NMT2: variants seen among roughly 807,000 people sequenced by gnomAD.
NMT2 encodes the protein N-myristoyltransferase 2, also known as glycylpeptide N-tetradecanoyltransferase 2.
NMT2 carries 35 observed loss-of-function variants against 65.4 expected under a neutral mutation model. The observed-to-expected ratio is 0.54, with a 90% CI of 0.41 to 0.71. NMT2 has a LOEUF of 0.71. NMT2 is among the 30% of genes least tolerant of loss of function. The probability of loss-of-function intolerance (pLI) is 0.00; values close to 1 mark genes in which losing one functional copy is unlikely to be tolerated. For synonymous variants in NMT2, 226 were observed against 231.8 expected (o/e 0.98, Z 0.23); for missense variants, 489 against 611.3 (o/e 0.80, Z 2.11).
chr10:15,128,338 A>G lies in NMT2; in HGVS notation c.999+12T>C. 6.9e-7 allele frequency: 1 copy of G among 1,447,312 alleles called. No individual in the cohort carries two copies. The highest frequency in any genetic ancestry group is 2.3e-5 in the East Asian group (1 of 44,062). The allele number at this position is 1,447,312 out of a possible 1,614,324, so 89.7% of individuals were successfully genotyped here. On this transcript the variant is annotated intron_variant, in intron 8 of 11. Coordinates refer to ENST00000378165, the MANE Select transcript of NMT2 (RefSeq NM_004808.3). ...TTACAGCTTCAAAAAACTGCAAATC[A>G]TTCTTACTTACATCTGGAAGTCTGT...
intron 1 of NMT2, chr10:15,154,944 G>A (rs768233786): frequency 9.3e-7 from 1 of 1,076,392 alleles, no homozygotes; most frequent in African/African-American, 1.5e-5. Flanking sequence ...CTCGGTCTTG[G>A]CAGTGCAGAT....
At chr10:15,148,043 A>G (rs1392154697) in intron 1 of NMT2, among the ~76,000 whole-genome samples, 1 of 152,196 alleles carries the variant, frequency 6.6e-6, no homozygotes, top group African/African-American at 2.4e-5. Flanking sequence ...TATCTCTAGG[A>G]TGGTATAGAA....
At chr10:15,144,948 C>A (rs1323569585) in intron 1 of NMT2, among the ~76,000 whole-genome samples, 1 of 152,160 alleles carries the variant, frequency 6.6e-6, no homozygotes, top group Non-Finnish European at 1.5e-5. Flanking sequence ...AACTTGTTCA[C>A]AAATACTCAT....
intron 1 of NMT2, among the ~76,000 whole-genome samples, chr10:15,167,063 C>G (rs985641111): frequency 1.3e-5 from 2 of 152,188 alleles, no homozygotes; most frequent in African/African-American, 4.8e-5. Flanking sequence ...CCATTTCTGG[C>G]AATAGAACTA....
intron 1 of NMT2, among the ~76,000 whole-genome samples, chr10:15,166,670 T>A (rs1378771511): frequency 6.6e-6 from 1 of 152,222 alleles, no homozygotes; most frequent in African/African-American, 2.4e-5. Context: ...TGGTATCTGC[T>A]CTTGGTGAAA....
At position 15,119,431 on chromosome 10, in the gene NMT2, T is replaced by C. The variant is rs1431155104; in HGVS notation, c.1082A>G (p.Gln361Arg). 6.2e-7 allele frequency: 1 copy of C among 1,614,078 alleles called. No individual in the cohort carries two copies. The highest frequency in any genetic ancestry group is 8.5e-7 in the Non-Finnish European group (1 of 1,179,930). ...ATCCATCACTGGAGCCAGATGAAAC[T>C]GCTTCAGGTAAGTGTTGATTAATTC... ...VRELINTYLKQFHLAPVMDEE... is the reference protein window; with the variant it reads ...VRELINTYLKRFHLAPVMDEE... Residue 361 changes from glutamine to arginine, a missense_variant, in exon 9 of 12, where the codon CAG becomes CGG. Transcript: ENST00000378165.
chr10:15,132,628 A>G (rs759591382), intron 6 of NMT2, among the ~76,000 whole-genome samples, 189 bp downstream of exon 6: 3 of 152,102 alleles, frequency 2.0e-5, no homozygotes, highest in Non-Finnish European at 4.4e-5. Flanking sequence ...GGTTTCACCC[A>G]TGTTGACCAG....
chr10:15,151,593 T>C (rs887488018), intron 1 of NMT2, among the ~76,000 whole-genome samples: 3 of 152,260 alleles, frequency 2.0e-5, no homozygotes, highest in African/African-American at 4.8e-5. Context: ...TACATATCTT[T>C]AAGATCATTA....
chr10:15,105,980 A>T lies in NMT2; in HGVS notation c.*3215T>A. 2.5e-6 allele frequency: 1 copy of T among 405,046 alleles called. No individual in the cohort carries two copies. The highest frequency in any genetic ancestry group is 4.8e-6 in the Non-Finnish European group (1 of 206,436). The allele number at this position is 405,046 out of a possible 1,614,324, so 25.1% of individuals were successfully genotyped here. A position where few individuals can be genotyped will look rare whatever the true frequency, so the allele number is the denominator to read the frequency against. On this transcript the variant is annotated 3_prime_UTR_variant, in exon 12 of 12. Coordinates refer to ENST00000378165, the MANE Select transcript of NMT2 (RefSeq NM_004808.3). ...AGGTAAGCTCATGACAAAGTTTCCAACTGGCAATGCTGCAGTTATTTATTT... is the reference window on the plus strand; with the variant it reads ...AGGTAAGCTCATGACAAAGTTTCCATCTGGCAATGCTGCAGTTATTTATTT...
At chr10:15,146,214 C>T (rs1435230659) in intron 1 of NMT2, among the ~76,000 whole-genome samples, 1 of 152,172 alleles carries the variant, frequency 6.6e-6, no homozygotes, top group East Asian at 1.9e-4. Flanking sequence ...GAATCAGTGG[C>T]ACATTCAGAC....
chr10:15,141,095 A>G, intron 2 of NMT2: 1 of 1,384,986 alleles, frequency 7.2e-7, no homozygotes, highest in Non-Finnish European at 1.0e-6. Context: ...ACGAAAAGTA[A>G]TCAAATATTA....
In NMT2 at chr10:15,132,848, C is replaced by A; in HGVS notation, c.688G>T (p.Ala230Ser). The change falls in exon 6 of 12, where the codon GCC (alanine) becomes TCC (serine). Residue 230 changes from alanine (A) to serine (S), a missense_variant. Physicochemically the swap from Ala to Ser is moderately conservative, Grantham distance 99. Coordinates refer to ENST00000378165, the MANE Select transcript of NMT2 (RefSeq NM_004808.3). ...SNKKLVGFISAIPANIRIYDS... is the reference protein window; with the variant it reads ...SNKKLVGFISSIPANIRIYDS... ...TAAATCCGAATGTTTGCTGGGATGG[C>A]ACTTATGAACCCGACCAGTTTTTTA... The A allele has an allele frequency of 6.2e-7, 1 of 1,613,526 alleles. No homozygotes were observed. The highest frequency in any genetic ancestry group is 1.3e-5 in the African/African-American group (1 of 75,016).
chr10:15,147,528 T>A (rs537303032), intron 1 of NMT2, among the ~76,000 whole-genome samples: 17 of 151,668 alleles, frequency 1.1e-4, no homozygotes, highest in African/African-American at 4.1e-4. Context: ...ATAATAAAGA[T>A]CACATCATAA....
intron 2 of NMT2, among the ~76,000 whole-genome samples, chr10:15,140,638 C>T (rs1473255340): frequency 1.3e-5 from 2 of 152,128 alleles, no homozygotes; most frequent in Non-Finnish European, 2.9e-5. Context: ...CCACCTCGGC[C>T]TCCCAAAGTG....
chr10:15,162,994 C>A (rs1483559571), intron 1 of NMT2, among the ~76,000 whole-genome samples: 1 of 151,646 alleles, frequency 6.6e-6, no homozygotes, highest in African/African-American at 2.4e-5. Flanking sequence ...TACAGTAGTG[C>A]GATCACAGCT....
intron 9 of NMT2, among the ~76,000 whole-genome samples, chr10:15,116,917 AT>A (rs1188928212): frequency 1.3e-5 from 2 of 152,248 alleles, no homozygotes; most frequent in African/African-American, 4.8e-5. Flanking sequence ...TTAGTCCATT[AT>A]TTAAAAACTC....
chr10:15,151,578 T>C (rs1832803889), intron 1 of NMT2, among the ~76,000 whole-genome samples: 1 of 152,258 alleles, frequency 6.6e-6, no homozygotes, highest in Non-Finnish European at 1.5e-5. Context: ...TAAAAATTTG[T>C]TATTTACATA....
chr10:15,112,217 T>TATA (rs1554820299), intron 10 of NMT2, among the ~76,000 whole-genome samples: 2 of 7,700 alleles, frequency 2.6e-4, no homozygotes, highest in Non-Finnish European at 2.6e-4. Context: ...TATATATATA[T>TATA]TTTTTTTTTT....
At chr10:15,137,048 GTA>G (rs928600958) in intron 2 of NMT2, among the ~76,000 whole-genome samples, 4 of 152,142 alleles carry the variant, frequency 2.6e-5, no homozygotes, top group African/African-American at 9.7e-5. Context: ...CGGTTTTGCT[GTA>G]TGTCAACACA....
Sources: allele counts gnomAD v4.1 joint callset (sites outside exome capture counted in the v4.1 genomes callset), GRCh38; gene constraint gnomAD v4.1.1; transcripts MANE v1.5; gene names NCBI Gene and HGNC (gene_info 2026-07-23, HGNC 2026-07-21).